Variants in RUNX2 observed in about 807,000 individuals in gnomAD.
RUNX2 encodes runt-related transcription factor 2.
A neutral mutation model predicts 51.7 loss-of-function variants in RUNX2; 10 were observed. That is an observed-to-expected ratio of 0.19 (90% confidence interval 0.12 to 0.33). The LOEUF is 0.33. Ranked by LOEUF, RUNX2 falls within the 10% of genes least tolerant of loss-of-function variation. The probability of loss-of-function intolerance (pLI) is 1.00; values close to 1 mark genes in which losing one functional copy is unlikely to be tolerated. For missense variants in RUNX2, 562 were observed against 691.3 expected (o/e 0.81, Z 2.10); for synonymous variants, 276 against 273.6 (o/e 1.01, Z -0.09).
At chr6:45,486,550 T>A (rs969310891) in intron 5 of RUNX2, among the ~76,000 whole-genome samples, 1 of 152,194 alleles carries the variant, frequency 6.6e-6, no homozygotes, top group Non-Finnish European at 1.5e-5. Context: ...AAAATACTAC[T>A]CCAAAAAGAT....
intron 2 of RUNX2, among the ~76,000 whole-genome samples, chr6:45,358,292 T>G (rs906228960): frequency 6.6e-6 from 1 of 152,204 alleles, no homozygotes; most frequent in Non-Finnish European, 1.5e-5. Flanking sequence ...ATGGCTAAAC[T>G]TAAATAAAAT....
chr6:45,383,297 T>TG (rs1161058485), intron 2 of RUNX2, among the ~76,000 whole-genome samples: 1 of 151,500 alleles, frequency 6.6e-6, no homozygotes, highest in Non-Finnish European at 1.5e-5. Flanking sequence ...ATTAGCCAGG[T>TG]GGGGTGGCAC....
chr6:45,405,513 G>C (rs1019274485), intron 2 of RUNX2, among the ~76,000 whole-genome samples: 2 of 152,192 alleles, frequency 1.3e-5, no homozygotes, highest in African/African-American at 4.8e-5. Context: ...GGTAGGCTGG[G>C]CGCAGTGGCT....
At position 45,472,874 on chromosome 6, in the gene RUNX2, T is replaced by A. The variant is rs139260634; in HGVS notation, c.686-19067T>A. ...GGAGGAAAAGGGTATCTTTCTGCAA[T>A]GGGCCAAGTATGTTGGCAAAATAAA... On this transcript the variant is annotated intron_variant, in intron 5 of 8. Transcript: ENST00000647337. 2.2e-4 allele frequency among the ~76,000 whole-genome samples: 34 copies of A among 152,320 alleles called. No homozygotes were observed. The East Asian group carries it at 3.9e-3, about 17-fold the overall frequency.
intron 3 of RUNX2, among the ~76,000 whole-genome samples, chr6:45,423,857 C>T (rs1168002980): frequency 6.6e-6 from 1 of 152,090 alleles, no homozygotes; most frequent in African/African-American, 2.4e-5. Context: ...GGGGACGGGG[C>T]GGGAGCTCGG....
chr6:45,528,581 A>G (rs1455648129), intron 7 of RUNX2, among the ~76,000 whole-genome samples: 2 of 152,074 alleles, frequency 1.3e-5, no homozygotes, highest in Admixed American at 6.6e-5. Context: ...AGCTTGTGCC[A>G]CTGCACTCCA....
intron 3 of RUNX2, among the ~76,000 whole-genome samples, chr6:45,423,745 A>G (rs185925269): frequency 0.013 from 1,904 of 152,182 alleles, 46 homozygotes; most frequent in African/African-American, 0.043. Context: ...AGATCCCGTT[A>G]CCGGGAGGAA....
chr6:45,499,954 G>A (rs892331917), intron 6 of RUNX2, among the ~76,000 whole-genome samples: 4 of 151,960 alleles, frequency 2.6e-5, no homozygotes, highest in African/African-American at 4.8e-5. Context: ...GTACACCCAC[G>A]TGTATGCATA....
intron 2 of RUNX2, among the ~76,000 whole-genome samples, chr6:45,404,297 A>T (rs1313202171): frequency 7.3e-6 from 1 of 137,140 alleles, no homozygotes; most frequent in African/African-American, 2.8e-5. Flanking sequence ...AGAAAAAAAA[A>T]AGGAAAAAAA....
chr6:45,339,798 T>C (rs919258551), intron 2 of RUNX2, among the ~76,000 whole-genome samples: 2 of 152,186 alleles, frequency 1.3e-5, no homozygotes, highest in South Asian at 2.1e-4. Flanking sequence ...TTTTGAAAAA[T>C]CAATGTAACT....
intron 2 of RUNX2, among the ~76,000 whole-genome samples, chr6:45,341,907 C>CAA (rs1258423168): frequency 1.3e-5 from 2 of 151,982 alleles, no homozygotes; most frequent in Non-Finnish European, 2.9e-5. Context: ...TGAAGATAGA[C>CAA]AAAAGGTTCT....
chr6:45,375,097 C>A (rs201093685), intron 2 of RUNX2, among the ~76,000 whole-genome samples: 1 of 152,120 alleles, frequency 6.6e-6, no homozygotes, highest in Non-Finnish European at 1.5e-5. Context: ...ATCCCAGCTA[C>A]TCGGGAGGCT....
chr6:45,365,067 ACAGT>A lies in RUNX2; in HGVS notation c.58+36284_58+36287del. 8.3e-6 allele frequency: 5 copies of A among 603,854 alleles called. No individual in the cohort carries two copies. The South Asian group carries it at 1.8e-4, about 22-fold the overall frequency. The allele number at this position is 603,854 out of a possible 1,614,324, so 37.4% of individuals were successfully genotyped here. ...ACATATGGCAATTTAAAATGTTACC[ACAGT>A]ATTTCATTTTTACTTGATTAATAAC... is the stretch of plus-strand genomic sequence containing the variant. On this transcript the variant is annotated intron_variant, in intron 2 of 8. Transcript: ENST00000647337.
intron 2 of RUNX2, among the ~76,000 whole-genome samples, chr6:45,367,458 T>TAA (rs929113976): frequency 6.8e-6 from 1 of 146,310 alleles, no homozygotes; most frequent in East Asian, 2.0e-4. Flanking sequence ...AGACTCGGAT[T>TAA]AAAAAAAAAA....
At chr6:45,380,200 A>G (rs1582052288) in intron 2 of RUNX2, among the ~76,000 whole-genome samples, 2 of 152,252 alleles carry the variant, frequency 1.3e-5, no homozygotes, top group South Asian at 4.1e-4. Flanking sequence ...CTTAATTATA[A>G]CAAAGCTAAA....
chr6:45,343,292 G>A (rs780380670), intron 2 of RUNX2, among the ~76,000 whole-genome samples: 5 of 152,056 alleles, frequency 3.3e-5, no homozygotes, highest in Non-Finnish European at 7.4e-5. Context: ...GGCAGACCAA[G>A]AAGATCAAGA....
At chr6:45,453,937 A>C (rs1799249518) in intron 5 of RUNX2, among the ~76,000 whole-genome samples, 1 of 152,206 alleles carries the variant, frequency 6.6e-6, no homozygotes, top group African/African-American at 2.4e-5. Context: ...TATTTTTTAC[A>C]GAACATATTT....
chr6:45,544,832 A>G (rs1450028000), intron 7 of RUNX2, among the ~76,000 whole-genome samples: 1 of 152,202 alleles, frequency 6.6e-6, no homozygotes, highest in East Asian at 1.9e-4. Flanking sequence ...GGGAAATGTT[A>G]TGGAGCATCT....
At chr6:45,388,881 T>G (rs1235928792) in intron 2 of RUNX2, among the ~76,000 whole-genome samples, 1 of 152,160 alleles carries the variant, frequency 6.6e-6, no homozygotes, top group Non-Finnish European at 1.5e-5. Flanking sequence ...AGAGAAATAA[T>G]AAAATTGTTG....
Sources: allele counts gnomAD v4.1 joint callset (sites outside exome capture counted in the v4.1 genomes callset), GRCh38; gene constraint gnomAD v4.1.1; transcripts MANE v1.5; gene names NCBI Gene and HGNC (gene_info 2026-07-23, HGNC 2026-07-21).